PHEX: variants seen among roughly 807,000 people sequenced by gnomAD.
The protein encoded by PHEX is phosphate regulating endopeptidase X-linked.
In PHEX, 16 loss-of-function variants were observed where a neutral mutation model predicts 68.0. The ratio of observed to expected loss-of-function variants is 0.24; its 90% CI spans 0.16 to 0.36. The LOEUF (loss-of-function observed/expected upper bound fraction) is 0.36. Among genes scored for constraint, PHEX ranks in the 10% least tolerant of loss-of-function variants. PHEX has a pLI of 1.00. For missense variants in PHEX, 480 were observed against 575.5 expected (o/e 0.83, Z 1.70); for synonymous variants, 208 against 205.1 (o/e 1.01, Z -0.12).
intron 11 of PHEX, among the ~76,000 whole-genome samples, chrX:22,131,713 C>T (rs191883693): frequency 3.5e-5 from 4 of 112,767 alleles, no homozygotes; most frequent in Non-Finnish European, 7.5e-5. Context: ...AACATTTCAA[C>T]GTCTTTCCTT....
At chrX:22,242,272 G>A (rs5951732) in intron 20 of PHEX, among the ~76,000 whole-genome samples, 3 of 111,713 alleles carry the variant, frequency 2.7e-5, no homozygotes, top group Non-Finnish European at 5.6e-5. Flanking sequence ...TCGATGGAAC[G>A]TATCTCAAAA....
Position 22,032,949 on chromosome X carries a change from C to A in PHEX, c.-57C>A. On this transcript the variant is annotated 5_prime_UTR_variant, in exon 1 of 22. Transcript: ENST00000379374. ...GATGTCAACGCCTCGCTCTTGAGAC[C>A]AGCCACCAAACCACGAAAAGTGACT... 1 of 916,140 alleles carries A rather than the reference C, an allele frequency of 1.1e-6. No individual in the cohort carries two copies. The highest frequency in any genetic ancestry group is 1.6e-6 in the Non-Finnish European group (1 of 626,122). The allele number at this position is 916,140 out of a possible 1,213,427, so 75.5% of individuals were successfully genotyped here.
At chrX:22,187,901 C>T (rs1934080632) in intron 14 of PHEX, among the ~76,000 whole-genome samples, 1 of 111,914 alleles carries the variant, frequency 8.9e-6, no homozygotes, top group Non-Finnish European at 1.9e-5. Flanking sequence ...TGAAGTCAGA[C>T]AGACCAGGCC....
intron 16 of PHEX, among the ~76,000 whole-genome samples, chrX:22,218,416 T>A (rs1935159726): frequency 9.0e-6 from 1 of 111,553 alleles, no homozygotes; most frequent in African/African-American, 3.3e-5. Context: ...CTTTTATAGA[T>A]AATCTACCAC....
At chrX:22,090,735 A>T (rs1381785541) in intron 6 of PHEX, among the ~76,000 whole-genome samples, 1 of 111,947 alleles carries the variant, frequency 8.9e-6, no homozygotes, top group Non-Finnish European at 1.9e-5. Context: ...GGGAGACAGC[A>T]CTCCCAAATG....
At chrX:22,132,896 TA>T (rs1423743874) in intron 11 of PHEX, among the ~76,000 whole-genome samples, 1 of 110,351 alleles carries the variant, frequency 9.1e-6, no homozygotes, top group Non-Finnish European at 1.9e-5. Flanking sequence ...TAATGTTTTT[TA>T]TTTTTTGGAG....
chrX:22,196,277 C>T (rs12396173), intron 15 of PHEX, among the ~76,000 whole-genome samples: 6,997 of 112,204 alleles, frequency 0.062, 212 homozygotes, highest in East Asian at 0.22. Context: ...TTTGGAACAG[C>T]GTATAGTATG....
In PHEX at chrX:22,138,544, T is replaced by C. The variant is rs1932327016; in HGVS notation, c.1404+4920T>C. ...GGGAAGTGCCTACTCTGCCCCTTTC[T>C]CTCTTCCTCTGTGGTGTTCCCACAC... On this transcript the variant is annotated intron_variant, in intron 12 of 21. Transcript: ENST00000379374. 2.7e-5 allele frequency among the ~76,000 whole-genome samples: 3 copies of C among 111,655 alleles called. No homozygotes were observed. The South Asian group carries it at 1.1e-3, about 42-fold the overall frequency.
chrX:22,078,330 C>G (rs890831786), intron 5 of PHEX, among the ~76,000 whole-genome samples: 6 of 111,838 alleles, frequency 5.4e-5, no homozygotes, highest in African/African-American at 1.6e-4. Context: ...AGAAAACTAC[C>G]AACAGCTAAA....
intron 20 of PHEX, among the ~76,000 whole-genome samples, chrX:22,238,377 T>A (rs1204017817): frequency 3.6e-5 from 4 of 111,265 alleles, no homozygotes; most frequent in Non-Finnish European, 7.5e-5. Flanking sequence ...ATGAGAGACT[T>A]TACCAGGAGG....
chrX:22,201,377 A>T (rs1015901413), intron 15 of PHEX, among the ~76,000 whole-genome samples: 9 of 110,904 alleles, frequency 8.1e-5, no homozygotes, highest in African/African-American at 3.0e-4. Context: ...TAGAGACAGG[A>T]GTTTGCCATG....
At chrX:22,199,936 G>C (rs1934494863) in intron 15 of PHEX, among the ~76,000 whole-genome samples, 1 of 111,606 alleles carries the variant, frequency 9.0e-6, no homozygotes, top group African/African-American at 3.3e-5. Flanking sequence ...AGGGGTCTTG[G>C]AACATATCTC....
rs1555900710 is a variant in PHEX, at chrX:22,249,455, A to ATATAT, written c.*1502_*1503insTATAT. ...TTGTGATTCTTTTAAAAAAAAAAAA[A>ATATAT]ATATATATATATATATATATATATA... On this transcript the variant is annotated 3_prime_UTR_variant, in exon 22 of 22. Coordinates refer to ENST00000379374, the MANE Select transcript of PHEX (RefSeq NM_000444.6). The ATATAT allele has an allele frequency of 3.5e-4, 14 of 39,756 alleles. No individual in the cohort carries two copies. The highest frequency in any genetic ancestry group is 1.3e-3 in the African/African-American group (8 of 6,015). 3.3% of individuals were successfully genotyped at this position (39,756 alleles called of 1,213,427 possible).
chrX:22,167,485 T>G (rs1344695004), intron 12 of PHEX, among the ~76,000 whole-genome samples: 2 of 105,353 alleles, frequency 1.9e-5, no homozygotes, highest in South Asian at 8.0e-4. Context: ...TTTAATTTTT[T>G]AATTTCTTTT....
chrX:22,151,434 AAC>A (rs1932853418), intron 12 of PHEX, among the ~76,000 whole-genome samples: 1 of 111,718 alleles, frequency 9.0e-6, no homozygotes, highest in Non-Finnish European at 1.9e-5. Context: ...TCAAAACTGA[AAC>A]AGACTCTCAT....
chrX:22,091,152 G>T (rs906657227), intron 6 of PHEX, among the ~76,000 whole-genome samples: 16 of 111,632 alleles, frequency 1.4e-4, no homozygotes, highest in Non-Finnish European at 3.0e-4. Context: ...CTCAGACCTA[G>T]GTCCCCTGGG....
At chrX:22,081,290 G>A (rs1344164895) in intron 5 of PHEX, among the ~76,000 whole-genome samples, 1 of 110,786 alleles carries the variant, frequency 9.0e-6, no homozygotes, top group Non-Finnish European at 1.9e-5. Context: ...CTTCAAGTGT[G>A]CCCCTCTGAT....
chrX:22,126,111 A>G (rs1164305886), intron 11 of PHEX, among the ~76,000 whole-genome samples: 1 of 112,250 alleles, frequency 8.9e-6, no homozygotes, highest in African/African-American at 3.2e-5. Flanking sequence ...ATCATATCAC[A>G]TGAGATATGA....
chrX:22,249,455 A>AAAAAAAATAT lies in PHEX; in HGVS notation c.*1503_*1504insAAAAAATATA. 2.3e-4 allele frequency: 9 copies of AAAAAAAATAT among 39,754 alleles called. No homozygotes were observed. Among genetic ancestry groups the AAAAAAAATAT allele is most frequent in the Non-Finnish European group, 3.3e-4 (8 of 24,469 alleles). 3.3% of individuals were successfully genotyped at this position (39,754 alleles called of 1,213,427 possible). A position where few individuals can be genotyped will look rare whatever the true frequency, so the allele number is the denominator to read the frequency against. On this transcript the variant is annotated 3_prime_UTR_variant, in exon 22 of 22. Transcript: ENST00000379374. ...TTGTGATTCTTTTAAAAAAAAAAAA[A>AAAAAAAATAT]ATATATATATATATATATATATATA...
Sources: gnomAD v4.1 joint callset for allele counts (sites outside exome capture counted in the v4.1 genomes callset) on GRCh38, gnomAD v4.1.1 for gene constraint, MANE v1.5 for transcripts, NCBI Gene and HGNC (gene_info 2026-07-23, HGNC 2026-07-21) for gene names.